The following PRKN variants were observed in gnomAD, a reference collection of about 807,000 sequenced individuals.
PRKN encodes the protein E3 ubiquitin-protein ligase parkin.
PRKN carries 56 observed loss-of-function variants against 59.5 expected under a neutral mutation model. The observed-to-expected ratio is 0.94, with a 90% CI of 0.76 to 1.18. The LOEUF is 1.18. Among genes scored for constraint, PRKN ranks in the 50% most tolerant of loss-of-function variants. The probability of loss-of-function intolerance (pLI) is 0.00; values close to 1 mark genes in which losing one functional copy is unlikely to be tolerated. For synonymous variants in PRKN, 250 were observed against 222.1 expected (o/e 1.13, Z -1.12); for missense variants, 657 against 596.4 (o/e 1.10, Z -1.06).
At chr6:162,120,603 T>G (rs1780871962) in intron 4 of PRKN, among the ~76,000 whole-genome samples, 1 of 152,204 alleles carries the variant, frequency 6.6e-6, no homozygotes, top group African/African-American at 2.4e-5. Context: ...TTACGGAGAT[T>G]GCAGAAGGTT....
At chr6:162,050,054 G>A (rs1351235553) in intron 5 of PRKN, among the ~76,000 whole-genome samples, 3 of 152,056 alleles carry the variant, frequency 2.0e-5, no homozygotes, top group African/African-American at 7.2e-5. Context: ...ATCTTCCTGC[G>A]TTACTAAACC....
chr6:162,191,190 C>T (rs540885646), intron 4 of PRKN, among the ~76,000 whole-genome samples: 3 of 152,258 alleles, frequency 2.0e-5, no homozygotes, highest in African/African-American at 4.8e-5. Context: ...GCCAACCCAA[C>T]GTGCTTCTCA....
At chr6:162,433,214 T>G (rs1459709793) in intron 2 of PRKN, among the ~76,000 whole-genome samples, 1 of 152,212 alleles carries the variant, frequency 6.6e-6, no homozygotes, top group African/African-American at 2.4e-5. Flanking sequence ...TAGGTAAAAT[T>G]TCATATAACA....
rs79240635 is a variant in PRKN at position 162,166,215 on chromosome 6, G to A, written c.534+34916C>T. Reference sequence around the variant, plus strand: ...ACAAAAATACTTCTCAGCCATAAAAGGCATGAACGGTTGCTCCACACAACA... The same window carrying A: ...ACAAAAATACTTCTCAGCCATAAAAAGCATGAACGGTTGCTCCACACAACA... On this transcript the variant is annotated intron_variant, in intron 4 of 11. Coordinates refer to ENST00000366898, the MANE Select transcript of PRKN (RefSeq NM_004562.3). 7.4e-3 allele frequency among the ~76,000 whole-genome samples: 1,121 copies of A among 152,232 alleles called. 14 individuals are homozygous for A. Among genetic ancestry groups the A allele is most frequent in the African/African-American group, 0.026 (1,066 of 41,534 alleles).
intron 8 of PRKN, among the ~76,000 whole-genome samples, chr6:161,559,550 A>C (rs1780374572): frequency 6.6e-6 from 1 of 152,184 alleles, no homozygotes; most frequent in Non-Finnish European, 1.5e-5. Context: ...GCCTTCCTTG[A>C]AAGGAGCTGG....
chr6:161,803,116 T>A (rs1377310000), intron 6 of PRKN, among the ~76,000 whole-genome samples: 1 of 152,156 alleles, frequency 6.6e-6, no homozygotes. Context: ...CAGCCCTCAT[T>A]AGGGTATGTA....
At chr6:161,984,777 T>A (rs1220750318) in intron 5 of PRKN, among the ~76,000 whole-genome samples, 2 of 152,230 alleles carry the variant, frequency 1.3e-5, no homozygotes, top group African/African-American at 4.8e-5. Context: ...GTGCATATGA[T>A]CTTGCTGTTA....
chr6:162,202,491 T>C (rs1451533161), intron 3 of PRKN, among the ~76,000 whole-genome samples: 2 of 152,186 alleles, frequency 1.3e-5, no homozygotes, highest in East Asian at 3.8e-4. Flanking sequence ...TATTACTCTA[T>C]AAAGATTAAT....
At chr6:162,681,444 C>T (rs969623952) in intron 1 of PRKN, among the ~76,000 whole-genome samples, 1 of 152,072 alleles carries the variant, frequency 6.6e-6, no homozygotes, top group Non-Finnish European at 1.5e-5. Context: ...GAAAGGAAAA[C>T]CCTAACTTTC....
intron 2 of PRKN, among the ~76,000 whole-genome samples, chr6:162,413,729 A>G (rs549421328): frequency 6.6e-6 from 1 of 152,280 alleles, no homozygotes; most frequent in Non-Finnish European, 1.5e-5. Context: ...TTATTCTTTC[A>G]TGTTTTTTGC....
At position 162,201,181 on chromosome 6, in the gene PRKN, G is replaced by A. The variant is rs760226358; in HGVS notation, c.484C>T (p.Leu162Phe). 1.9e-6 allele frequency: 3 copies of A among 1,614,160 alleles called. No homozygotes were observed. In the African/African-American group the frequency reaches 4.0e-5, roughly 22 times the overall value. Residue 162 changes from leucine to phenylalanine, a missense_variant, in exon 4 of 12, where the codon CTC becomes TTC. Leu to Phe is a conservative substitution (Grantham distance 22). Coordinates refer to ENST00000366898, the MANE Select transcript of PRKN (RefSeq NM_004562.3). ...CTGCAGGTGCTGCACTGTACCCTGA[G>A]TTTTCCCGGCTGCACTCTTTGACAG... ...GPCQRVQPGK[L>F]RVQCSTCRQA...
chr6:161,715,999 A>G lies in PRKN; in HGVS notation c.871+69773T>C, dbSNP rs907731958. On this transcript the variant is annotated intron_variant, in intron 7 of 11. Coordinates refer to ENST00000366898, the MANE Select transcript of PRKN (RefSeq NM_004562.3). ...GCGCTGGGGTGGGGCCCTGTGATCT[A>G]TATTTAACAAGCTCTTCTGGGGAAT... The G allele has an allele frequency of 1.6e-5, 12 of 747,152 alleles. No individual in the cohort carries two copies. The Admixed American group carries it at 1.7e-4, about 11-fold the overall frequency. 46.3% of individuals were successfully genotyped at this position (747,152 alleles called of 1,614,324 possible). A position where few individuals can be genotyped will look rare whatever the true frequency, so the allele number is the denominator to read the frequency against.
intron 7 of PRKN, among the ~76,000 whole-genome samples, chr6:161,654,360 T>G (rs1784262075): frequency 6.6e-6 from 1 of 152,146 alleles, no homozygotes; most frequent in African/African-American, 2.4e-5. Context: ...AAGCCCTTCA[T>G]TTATTATGGC....
At chr6:161,515,585 G>C (rs1249577968) in intron 9 of PRKN, among the ~76,000 whole-genome samples, 1 of 152,200 alleles carries the variant, frequency 6.6e-6, no homozygotes, top group Non-Finnish European at 1.5e-5. Flanking sequence ...ATTTGAAACA[G>C]TATATCGTTA....
At chr6:161,745,489 G>A (rs568514674) in intron 7 of PRKN, among the ~76,000 whole-genome samples, 78 of 152,320 alleles carry the variant, frequency 5.1e-4, no homozygotes, top group South Asian at 2.1e-4. Flanking sequence ...TTATGGCCAA[G>A]AGCAAGCATG....
intron 4 of PRKN, among the ~76,000 whole-genome samples, chr6:162,153,756 C>T (rs886509764): frequency 3.3e-5 from 5 of 152,078 alleles, no homozygotes; most frequent in Admixed American, 1.3e-4. Context: ...CTTTCTCCTC[C>T]GAGGCCAGGT....
chr6:162,261,595 T>G (rs1583282503), intron 3 of PRKN, among the ~76,000 whole-genome samples: 3 of 152,112 alleles, frequency 2.0e-5, no homozygotes, highest in East Asian at 1.9e-4. Context: ...TTTTTGACAT[T>G]TATTTCCATT....
chr6:162,125,539 T>G (rs1244627388), intron 4 of PRKN, among the ~76,000 whole-genome samples: 1 of 152,170 alleles, frequency 6.6e-6, no homozygotes, highest in Non-Finnish European at 1.5e-5. Flanking sequence ...AAGAAAGGGT[T>G]AGAACACGAT....
chr6:162,517,282 C>CT (rs1777902205), intron 1 of PRKN, among the ~76,000 whole-genome samples: 1 of 149,984 alleles, frequency 6.7e-6, no homozygotes, highest in Non-Finnish European at 1.5e-5. Context: ...GAGTCCCGCT[C>CT]TGTCGCCCAG....
Sources: gnomAD v4.1 joint callset for allele counts (sites outside exome capture counted in the v4.1 genomes callset) on GRCh38, gnomAD v4.1.1 for gene constraint, MANE v1.5 for transcripts, NCBI Gene and HGNC (gene_info 2026-07-23, HGNC 2026-07-21) for gene names.